Variants in TRPM3 observed in about 807,000 individuals in gnomAD.
TRPM3 encodes long transient receptor potential channel 3.
A neutral mutation model predicts 181.2 loss-of-function variants in TRPM3; 77 were observed. The observed-to-expected ratio is 0.42, with a 90% CI of 0.35 to 0.51. The LOEUF (loss-of-function observed/expected upper bound fraction) is 0.51, where lower values mean the gene tolerates loss of function less well. Ranked by LOEUF, TRPM3 falls within the 20% of genes least tolerant of loss-of-function variation. The probability of loss-of-function intolerance (pLI) is 0.01; values close to 1 mark genes in which losing one functional copy is unlikely to be tolerated. For missense variants in TRPM3, 1,759 were observed against 2,196.7 expected (o/e 0.80, Z 3.98); for synonymous variants, 745 against 796.4 (o/e 0.94, Z 1.09).
intron 1 of TRPM3, among the ~76,000 whole-genome samples, chr9:71,000,089 C>T (rs540020420): frequency 2.0e-5 from 3 of 152,164 alleles, no homozygotes; most frequent in Admixed American, 6.5e-5. Flanking sequence ...ATTGTGACTT[C>T]TCTGAGGGAA....
At chr9:70,962,343 T>C (rs2097144418) in intron 1 of TRPM3, among the ~76,000 whole-genome samples, 1 of 152,110 alleles carries the variant, frequency 6.6e-6, no homozygotes, top group African/African-American at 2.4e-5. Flanking sequence ...TAAAATATTA[T>C]AGGATCTGCC....
chr9:70,973,076 A>T (rs1056783847), intron 1 of TRPM3, among the ~76,000 whole-genome samples: 3 of 152,216 alleles, frequency 2.0e-5, no homozygotes, highest in East Asian at 3.8e-4. Context: ...ACAAAATAAG[A>T]TTTTAAGTGA....
At chr9:71,021,054 A>C (rs1440555913) in intron 1 of TRPM3, among the ~76,000 whole-genome samples, 2 of 152,218 alleles carry the variant, frequency 1.3e-5, no homozygotes, top group Non-Finnish European at 2.9e-5. Context: ...AAAAAAAAGA[A>C]AGAATTACTG....
intron 1 of TRPM3, among the ~76,000 whole-genome samples, chr9:70,975,007 A>T (rs2097289198): frequency 6.6e-6 from 1 of 151,584 alleles, no homozygotes; most frequent in Non-Finnish European, 1.5e-5. Flanking sequence ...AGCTGGGATT[A>T]CAGGTGCCCA....
intron 1 of TRPM3, among the ~76,000 whole-genome samples, chr9:71,056,442 T>G (rs1266675992): frequency 6.6e-6 from 1 of 152,060 alleles, no homozygotes; most frequent in Non-Finnish European, 1.5e-5. Flanking sequence ...TTATGTCCTG[T>G]TAGAGTGTCA....
intron 1 of TRPM3, among the ~76,000 whole-genome samples, chr9:70,993,789 AAAAAAAAAAAAAAAAAGAAAG>A (rs2097514179): frequency 7.3e-6 from 1 of 137,556 alleles, no homozygotes; most frequent in Admixed American, 7.4e-5. Context: ...CATCTCAAAA[AAAAAAAAAAAAAAAAAGAAAG>A]AAAGAAAGAA....
chr9:71,077,523 T>A (rs1163081472), intron 1 of TRPM3, among the ~76,000 whole-genome samples: 2 of 152,188 alleles, frequency 1.3e-5, no homozygotes, highest in African/African-American at 2.4e-5. Context: ...AGTGGGTGTA[T>A]CACTTTGTTC....
intron 1 of TRPM3, among the ~76,000 whole-genome samples, chr9:70,971,200 C>G (rs571598874): frequency 6.6e-6 from 1 of 152,028 alleles, no homozygotes; most frequent in Non-Finnish European, 1.5e-5. Flanking sequence ...AATAAAAAAT[C>G]CAAAGTTTTG....
intron 22 of TRPM3, among the ~76,000 whole-genome samples, chr9:70,562,154 A>G (rs2049263491): frequency 6.6e-6 from 1 of 152,252 alleles, no homozygotes; most frequent in Non-Finnish European, 1.5e-5. Flanking sequence ...AAAATATTTA[A>G]GAGTAGAACA....
intron 8 of TRPM3, among the ~76,000 whole-genome samples, chr9:70,744,295 C>T (rs931455688): frequency 5.4e-5 from 8 of 149,488 alleles, no homozygotes; most frequent in African/African-American, 1.5e-4. Context: ...GCCACTGCAC[C>T]TCAGCCTGGG....
intron 1 of TRPM3, among the ~76,000 whole-genome samples, chr9:71,288,501 C>A (rs1532802): frequency 3.9e-5 from 6 of 151,916 alleles, no homozygotes; most frequent in African/African-American, 1.5e-4. Flanking sequence ...CTTCTAGTAG[C>A]ATAGCAGACT....
At chr9:70,915,464 ATT>A (rs766229481) in intron 1 of TRPM3, among the ~76,000 whole-genome samples, 10 of 141,542 alleles carry the variant, frequency 7.1e-5, no homozygotes, top group Non-Finnish European at 4.6e-5. Context: ...TGCCCGGCTA[ATT>A]TTTTTTTTTT....
chr9:70,585,839 A>C (rs1286345605), intron 22 of TRPM3, among the ~76,000 whole-genome samples: 1 of 152,110 alleles, frequency 6.6e-6, no homozygotes, highest in South Asian at 2.1e-4. Context: ...TGATTAAAAC[A>C]TACATCTTGA....
intron 1 of TRPM3, among the ~76,000 whole-genome samples, chr9:71,180,346 C>T (rs1375203097): frequency 6.6e-6 from 1 of 152,158 alleles, no homozygotes; most frequent in East Asian, 1.9e-4. Flanking sequence ...TGAGCCACTT[C>T]ACCCAGCCTA....
intron 7 of TRPM3, among the ~76,000 whole-genome samples, chr9:70,778,784 T>C (rs1441649462): frequency 1.3e-5 from 2 of 151,930 alleles, no homozygotes; most frequent in African/African-American, 2.4e-5. Flanking sequence ...ATGATAAGGG[T>C]TTGACACCCT....
intron 1 of TRPM3, among the ~76,000 whole-genome samples, chr9:71,008,778 G>A (rs1254985023): frequency 6.6e-6 from 1 of 152,224 alleles, no homozygotes; most frequent in Non-Finnish European, 1.5e-5. Context: ...CCAGGAGGCG[G>A]AGGTTGCAGT....
intron 8 of TRPM3, among the ~76,000 whole-genome samples, chr9:70,744,559 C>T (rs2074796271): frequency 6.6e-6 from 1 of 151,866 alleles, no homozygotes; most frequent in African/African-American, 2.4e-5. Context: ...TTATTATTGG[C>T]TGTTTTGGAA....
At chr9:70,979,175 C>A (rs944943405) in intron 1 of TRPM3, among the ~76,000 whole-genome samples, 2 of 152,136 alleles carry the variant, frequency 1.3e-5, no homozygotes, top group South Asian at 4.1e-4. Context: ...CAGCCCATAC[C>A]TTTTGATTGG....
At chr9:70,687,661 C>G (rs2067329622) in intron 8 of TRPM3, among the ~76,000 whole-genome samples, 1 of 152,206 alleles carries the variant, frequency 6.6e-6, no homozygotes, top group African/African-American at 2.4e-5. Flanking sequence ...TGAAGAGAAG[C>G]AAAATCTTTC....
Sources: allele counts gnomAD v4.1 joint callset (sites outside exome capture counted in the v4.1 genomes callset), GRCh38; gene constraint gnomAD v4.1.1; transcripts MANE v1.5; gene names NCBI Gene and HGNC (gene_info 2026-07-23, HGNC 2026-07-21).